The following UBR3 variants were observed in gnomAD, a reference collection of about 807,000 sequenced individuals.
The protein encoded by UBR3 is E3 ubiquitin-protein ligase UBR3.
UBR3 carries 85 observed loss-of-function variants against 243.2 expected under a neutral mutation model. The observed-to-expected ratio is 0.35, with a 90% confidence interval of 0.29 to 0.42. The LOEUF (loss-of-function observed/expected upper bound fraction) is 0.42, where lower values mean the gene tolerates loss of function less well. Ranked by LOEUF, UBR3 falls within the 10% of genes least tolerant of loss-of-function variation. The pLI is 1.00. For synonymous variants in UBR3, 748 were observed against 799.8 expected (o/e 0.94, Z 1.09); for missense variants, 1,686 against 2,300.8 (o/e 0.73, Z 5.47).
intron 5 of UBR3, among the ~76,000 whole-genome samples, chr2:169,880,667 T>C (rs2083787295): frequency 6.6e-6 from 1 of 152,170 alleles, no homozygotes; most frequent in Non-Finnish European, 1.5e-5. Flanking sequence ...CTAGAAGTAA[T>C]TTCTAGATGA....
At chr2:169,850,488 T>C (rs897738001) in intron 1 of UBR3, among the ~76,000 whole-genome samples, 23 of 151,410 alleles carry the variant, frequency 1.5e-4, no homozygotes, top group African/African-American at 5.6e-4. Context: ...CTGCTCTGGA[T>C]CTTTTAAGCA....
chr2:170,078,223 C>T, intron 36 of UBR3: 1 of 485,858 alleles, frequency 2.1e-6, no homozygotes, highest in Non-Finnish European at 3.9e-6. Context: ...CCTTCTTTCC[C>T]TTTTTCTCAT....
intron 26 of UBR3, among the ~76,000 whole-genome samples, chr2:169,998,065 T>A (rs187605650): frequency 1.3e-5 from 2 of 151,728 alleles, no homozygotes; most frequent in East Asian, 3.8e-4. Context: ...TTATCATTTT[T>A]AATTAGACCT....
intron 5 of UBR3, among the ~76,000 whole-genome samples, chr2:169,883,301 C>T (rs1202824078): frequency 6.6e-6 from 1 of 152,092 alleles, no homozygotes; most frequent in African/African-American, 2.4e-5. Context: ...AGTATGACGA[C>T]ATGTGGTTTC....
intron 1 of UBR3, among the ~76,000 whole-genome samples, chr2:169,864,906 CAAAAAAAA>C (rs11336906): frequency 2.0e-4 from 13 of 64,832 alleles, no homozygotes; most frequent in South Asian, 5.7e-4. Flanking sequence ...GACTCCGTCT[CAAAAAAAA>C]AAAAAAAAAA....
At chr2:170,003,348 A>G (rs1207285425) in intron 27 of UBR3, among the ~76,000 whole-genome samples, 1 of 152,088 alleles carries the variant, frequency 6.6e-6, no homozygotes, top group Non-Finnish European at 1.5e-5. Flanking sequence ...GCATTCAGGT[A>G]CTCCAGGATC....
At chr2:169,891,507 T>A (rs2084374079) in intron 6 of UBR3, among the ~76,000 whole-genome samples, 1 of 152,066 alleles carries the variant, frequency 6.6e-6, no homozygotes, top group African/African-American at 2.4e-5. Context: ...GCTCCAGTGT[T>A]TTTTGTGTGA....
At chr2:169,976,546 ATTCTT>A (rs556261395) in intron 24 of UBR3, among the ~76,000 whole-genome samples, 56 of 152,104 alleles carry the variant, frequency 3.7e-4, no homozygotes, top group African/African-American at 1.3e-3. Context: ...TTGGTAGGCA[ATTCTT>A]TTCTTTCAAA....
At chr2:169,914,872 G>GTT (rs202002809) in intron 11 of UBR3, among the ~76,000 whole-genome samples, 1 of 56,520 alleles carries the variant, frequency 1.8e-5, no homozygotes, top group African/African-American at 3.9e-5. Context: ...GTGTGTGTGT[G>GTT]TTTTTTTTCC....
intron 19 of UBR3, among the ~76,000 whole-genome samples, chr2:169,938,312 C>T (rs986164258): frequency 6.6e-6 from 1 of 151,250 alleles, no homozygotes; most frequent in Non-Finnish European, 1.5e-5. Context: ...CTCTGTTGCC[C>T]AGGCTGGTGG....
chr2:169,872,872 AATC>A (rs1244009388), intron 2 of UBR3, among the ~76,000 whole-genome samples: 2 of 152,174 alleles, frequency 1.3e-5, no homozygotes, highest in African/African-American at 2.4e-5. Flanking sequence ...ATGGGTGTGT[AATC>A]ATCATGTTAA....
At chr2:169,863,177 C>A (rs897855599) in intron 1 of UBR3, among the ~76,000 whole-genome samples, 12 of 152,316 alleles carry the variant, frequency 7.9e-5, no homozygotes, top group African/African-American at 2.2e-4. Flanking sequence ...TGTTTCCTCT[C>A]TCCTCTACTT....
intron 19 of UBR3, 105 bp downstream of exon 19, chr2:169,933,113 A>G: frequency 2.7e-6 from 2 of 735,488 alleles, no homozygotes; most frequent in South Asian, 4.5e-5. Flanking sequence ...GTATACTTTC[A>G]TTCTTTAAAG....
At chr2:170,032,637 T>G (rs542678578) in intron 31 of UBR3, among the ~76,000 whole-genome samples, 155 of 143,314 alleles carry the variant, frequency 1.1e-3, no homozygotes, top group Non-Finnish European at 2.1e-3. Context: ...TTTTGTAGCA[T>G]GTCCTTTAAT....
At chr2:170,002,596 CCTT>C (rs1227552326) in intron 27 of UBR3, among the ~76,000 whole-genome samples, 15 of 152,262 alleles carry the variant, frequency 9.9e-5, no homozygotes, top group Admixed American at 8.5e-4. Context: ...GTACTGTAGC[CCTT>C]CTTCTGTTCA....
intron 38 of UBR3, among the ~76,000 whole-genome samples, chr2:170,081,441 A>G (rs1412914490): frequency 1.3e-5 from 2 of 152,138 alleles, no homozygotes; most frequent in South Asian, 2.1e-4. Context: ...CGGAGCTTGC[A>G]GTGAGCCAAG....
At chr2:169,995,349 A>T (rs543842970) in intron 26 of UBR3, among the ~76,000 whole-genome samples, 5 of 152,212 alleles carry the variant, frequency 3.3e-5, no homozygotes, top group Non-Finnish European at 7.4e-5. Context: ...GTAAATCGTT[A>T]TCTTGTTTTT....
At chr2:169,960,236 C>CAAAAAAA (rs11461641) in intron 24 of UBR3, among the ~76,000 whole-genome samples, 3 of 64,008 alleles carry the variant, frequency 4.7e-5, no homozygotes, top group Admixed American at 3.2e-4. Context: ...GTGACAAGAG[C>CAAAAAAA]AAAAAAAAAA....
At chr2:170,057,099 T>A (rs2091351338) in intron 33 of UBR3, among the ~76,000 whole-genome samples, 1 of 147,904 alleles carries the variant, frequency 6.8e-6, no homozygotes, top group Non-Finnish European at 1.5e-5. Flanking sequence ...TTTCTTTTTG[T>A]AATTATCTTT....
Sources: allele counts gnomAD v4.1 joint callset (sites outside exome capture counted in the v4.1 genomes callset), GRCh38; gene constraint gnomAD v4.1.1; transcripts MANE v1.5; gene names NCBI Gene and HGNC (gene_info 2026-07-23, HGNC 2026-07-21).